Variants in TP53BP2 observed in about 807,000 individuals in gnomAD.
TP53BP2 encodes the protein tumor protein p53 binding protein 2, also known as apoptosis-stimulating of p53 protein 2.
TP53BP2 carries 62 observed loss-of-function variants against 126.2 expected under a neutral mutation model. That is an observed-to-expected ratio of 0.49 (90% CI 0.40 to 0.61). The LOEUF is 0.61. Ranked by LOEUF, TP53BP2 falls within the 20% of genes least tolerant of loss-of-function variation. TP53BP2 has a pLI of 0.00. For synonymous variants in TP53BP2, 485 were observed against 502.9 expected, an observed-to-expected ratio of 0.96 and a Z score of 0.48; for missense variants, 1,215 against 1,402.8, an observed-to-expected ratio of 0.87 and a Z score of 2.14.
rs1287271743 is a variant in TP53BP2, at chr1:223,831,480, A to AAAAATAT, written c.28-10114_28-10113insATATTTT. Among the ~76,000 whole-genome samples the AAAAATAT allele has an allele frequency of 9.2e-3, 297 of 32,302 alleles. 2 individuals carry two copies. Among genetic ancestry groups the AAAAATAT allele is most frequent in the Non-Finnish European group, 0.016 (238 of 15,268 alleles). The allele number at this position is 32,302 out of a possible 152,430, so 21.2% of individuals were successfully genotyped here. ...TATGTACCATCTAAAAAAAAAAAAA[A>AAAAATAT]ATATATATATATATATATATATATA... On this transcript the variant is annotated intron_variant, in intron 1 of 17. Coordinates refer to ENST00000343537, the MANE Select transcript of TP53BP2 (RefSeq NM_001031685.3).
At chr1:223,789,498 T>C (rs1213569677) in intron 15 of TP53BP2, among the ~76,000 whole-genome samples, 2 of 152,250 alleles carry the variant, frequency 1.3e-5, no homozygotes, top group African/African-American at 4.8e-5. Flanking sequence ...GATTTAGTTC[T>C]ATGTCCTGGA....
At chr1:223,795,727 C>A (rs1409352902) in intron 13 of TP53BP2, 88 bp downstream of exon 13, 9 of 1,270,060 alleles carry the variant, frequency 7.1e-6, no homozygotes, top group Non-Finnish European at 9.4e-6. Flanking sequence ...AATAAAAATG[C>A]AAACTGGAGA....
intron 13 of TP53BP2, 34 bp from the exon 14 acceptor site, chr1:223,793,474 T>C (rs775274839): frequency 2.0e-6 from 3 of 1,517,448 alleles, no homozygotes; most frequent in East Asian, 4.8e-5. Context: ...TTTAGGATCC[T>C]CGTCTATGCA....
At position 223,821,341 on chromosome 1, in the gene TP53BP2, G is replaced by A. The variant is rs780587930; in HGVS notation, c.54C>T (p.Asn18=). The A allele has an allele frequency of 6.2e-7, 1 of 1,614,080 alleles. No individual in the cohort carries two copies. The highest frequency in any genetic ancestry group is 8.5e-7 in the Non-Finnish European group (1 of 1,179,896). ...MPMFLTVYLS[N]NEQHFTEVPV... Reference sequence around the variant, plus strand: ...GAACTTCTGTGAAGTGCTGCTCATTGTTACTGAGATACACGGTAAGAAACA... The same window carrying A: ...GAACTTCTGTGAAGTGCTGCTCATTATTACTGAGATACACGGTAAGAAACA... The change falls in exon 2 of 18, where the codon AAC becomes AAT. Residue 18 remains asparagine, a synonymous_variant. Transcript: ENST00000343537.
Position 223,793,415 on chromosome 1 carries a change from G to A in TP53BP2, c.2750C>T (p.Thr917Ile). The A allele has an allele frequency of 6.3e-7, 1 of 1,595,812 alleles. No homozygotes were observed. Among genetic ancestry groups the A allele is most frequent in the Non-Finnish European group, 8.5e-7 (1 of 1,173,442 alleles). Reference protein sequence around the residue: ...PPGKRTNLRKTGSERIAHGMR... With the variant: ...PPGKRTNLRKIGSERIAHGMR... ...TCCATGAGCGATACGCTCTGAGCCA[G>A]TTTTACGCAAGTTTGTCCTTTTACC... The change falls in exon 14 of 18, where the codon ACT (threonine) becomes ATT (isoleucine). Residue 917 changes from threonine to isoleucine, a missense_variant. Coordinates refer to ENST00000343537, the MANE Select transcript of TP53BP2 (RefSeq NM_001031685.3).
At chr1:223,808,357 A>C (rs1370406539) in intron 4 of TP53BP2, among the ~76,000 whole-genome samples, 2 of 152,082 alleles carry the variant, frequency 1.3e-5, no homozygotes, top group Admixed American at 6.6e-5. Flanking sequence ...CCTGACCAAT[A>C]TGGTGAAACC....
intron 1 of TP53BP2, among the ~76,000 whole-genome samples, chr1:223,825,409 G>T (rs1159073513): frequency 6.6e-6 from 1 of 152,126 alleles, no homozygotes; most frequent in Non-Finnish European, 1.5e-5. Context: ...CCTGAATCTG[G>T]ACCACACGGT....
intron 17 of TP53BP2, among the ~76,000 whole-genome samples, chr1:223,783,491 C>T (rs556798509): frequency 6.6e-6 from 1 of 152,314 alleles, no homozygotes; most frequent in Middle Eastern, 3.4e-3. Flanking sequence ...CATACACCCT[C>T]CATGCCCCTT....
intron 1 of TP53BP2, among the ~76,000 whole-genome samples, chr1:223,843,834 T>G (rs948491021): frequency 6.6e-6 from 1 of 152,222 alleles, no homozygotes; most frequent in Non-Finnish European, 1.5e-5. Flanking sequence ...TATTACAGTA[T>G]AAAGACACAT....
At chr1:223,839,287 G>A (rs572209473) in intron 1 of TP53BP2, among the ~76,000 whole-genome samples, 1 of 152,210 alleles carries the variant, frequency 6.6e-6, no homozygotes, top group South Asian at 2.1e-4. Flanking sequence ...AATGAGAGTG[G>A]GAAGATCAAC....
chr1:223,841,136 G>A (rs550911496), intron 1 of TP53BP2, among the ~76,000 whole-genome samples: 6 of 152,242 alleles, frequency 3.9e-5, no homozygotes, highest in East Asian at 3.9e-4. Flanking sequence ...CCAGCTACTC[G>A]GGAGGCTGAG....
chr1:223,837,153 A>AG (rs199659505), intron 1 of TP53BP2, among the ~76,000 whole-genome samples: 11 of 54,050 alleles, frequency 2.0e-4, no homozygotes, highest in African/African-American at 8.4e-4. Context: ...ATTAAAAAAA[A>AG]AAGGGGGGGG....
chr1:223,803,207 T>C, intron 7 of TP53BP2, 64 bp downstream of exon 7: 2 of 1,520,362 alleles, frequency 1.3e-6, no homozygotes, highest in Non-Finnish European at 1.8e-6. Flanking sequence ...TCTTGCTACT[T>C]ATATGAGCAA....
chr1:223,798,106 C>T (rs1383733223), intron 12 of TP53BP2, 109 bp downstream of exon 12: 4 of 1,099,214 alleles, frequency 3.6e-6, no homozygotes, highest in African/African-American at 1.6e-5. Flanking sequence ...AGTTAAAAAC[C>T]CTTAGCGTCA....
In TP53BP2 at chr1:223,831,008, G is replaced by A. The variant is rs146347081; in HGVS notation, c.28-9641C>T. On this transcript the variant is annotated intron_variant, in intron 1 of 17. Transcript: ENST00000343537. ...AGCTACTCAGGAGGCTGGGGCAGGAGAATGGCATGAACCTGGGAGGCGGAG... is the reference window on the plus strand; with the variant it reads ...AGCTACTCAGGAGGCTGGGGCAGGAAAATGGCATGAACCTGGGAGGCGGAG... Among the ~76,000 whole-genome samples, 417 of 152,198 alleles carry A rather than the reference G, an allele frequency of 2.7e-3. 1 individual carries two copies. The highest frequency in any genetic ancestry group is 9.5e-3 in the African/African-American group (394 of 41,528).
chr1:223,813,951 G>C (rs908219419), intron 3 of TP53BP2, among the ~76,000 whole-genome samples: 6 of 152,224 alleles, frequency 3.9e-5, no homozygotes, highest in African/African-American at 1.4e-4. Context: ...CCTTCCTCTT[G>C]TCTAAGAGGA....
At chr1:223,819,347 T>C (rs1256131704) in intron 2 of TP53BP2, among the ~76,000 whole-genome samples, 2 of 151,230 alleles carry the variant, frequency 1.3e-5, no homozygotes, top group Non-Finnish European at 2.9e-5. Context: ...TCTATGAAAA[T>C]GAGAAGAAAA....
At chr1:223,830,066 A>G (rs1663643894) in intron 1 of TP53BP2, among the ~76,000 whole-genome samples, 1 of 152,250 alleles carries the variant, frequency 6.6e-6, no homozygotes, top group African/African-American at 2.4e-5. Context: ...ACAAATATGA[A>G]GACATGCAGG....
chr1:223,828,790 TAC>T (rs1663593804), intron 1 of TP53BP2, among the ~76,000 whole-genome samples: 1 of 152,088 alleles, frequency 6.6e-6, no homozygotes, highest in African/African-American at 2.4e-5. Flanking sequence ...TGCAAATGCA[TAC>T]AGACAAAAAG....
Sources: gnomAD v4.1 joint callset for allele counts (sites outside exome capture counted in the v4.1 genomes callset) on GRCh38, gnomAD v4.1.1 for gene constraint, MANE v1.5 for transcripts, NCBI Gene and HGNC (gene_info 2026-07-23, HGNC 2026-07-21) for gene names.